Variants in RICTOR observed in about 807,000 individuals in gnomAD.
RICTOR encodes the protein RPTOR independent companion of MTOR complex 2, also known as rapamycin-insensitive companion of mTOR.
Under a neutral mutation model 214.9 loss-of-function variants are expected in RICTOR, and 49 were observed. That is an observed-to-expected ratio of 0.23 (90% CI 0.18 to 0.29). RICTOR has a LOEUF of 0.29. Among genes scored for constraint, RICTOR ranks in the 10% least tolerant of loss-of-function variants. The probability of loss-of-function intolerance (pLI) is 1.00; values close to 1 mark genes in which losing one functional copy is unlikely to be tolerated. For synonymous variants in RICTOR, 717 were observed against 711.3 expected, an observed-to-expected ratio of 1.01 and a Z score of -0.13; for missense variants, 1,625 against 2,047.0, an observed-to-expected ratio of 0.79 and a Z score of 3.98.
At chr5:38,971,728 G>T in intron 11 of RICTOR, 149 bp downstream of exon 11, 2 of 557,156 alleles carry the variant, frequency 3.6e-6, no homozygotes, top group Non-Finnish European at 6.3e-6. Flanking sequence ...GTTTAACTAA[G>T]TAGTAAATAT....
At chr5:38,994,811 AT>A (rs1199171859) in intron 6 of RICTOR, among the ~76,000 whole-genome samples, 2 of 152,274 alleles carry the variant, frequency 1.3e-5, no homozygotes, top group Non-Finnish European at 2.9e-5. Context: ...CCAAAATTGA[AT>A]TTAATTGTCT....
chr5:38,948,971 T>G (rs1245365143), intron 31 of RICTOR, among the ~76,000 whole-genome samples: 1 of 152,204 alleles, frequency 6.6e-6, no homozygotes, highest in East Asian at 1.9e-4. Flanking sequence ...TAAAGTATTC[T>G]AACATATATT....
chr5:39,005,108 T>C (rs1197598825), intron 3 of RICTOR, among the ~76,000 whole-genome samples: 5 of 152,182 alleles, frequency 3.3e-5, no homozygotes, highest in African/African-American at 1.2e-4. Context: ...TAAAGACATC[T>C]TTCCTTATCT....
intron 7 of RICTOR, among the ~76,000 whole-genome samples, chr5:38,985,194 G>A (rs753986841): frequency 5.3e-5 from 8 of 152,056 alleles, no homozygotes; most frequent in African/African-American, 7.2e-5. Flanking sequence ...TAGGACCCCC[G>A]ATGATACCAA....
intron 2 of RICTOR, among the ~76,000 whole-genome samples, chr5:39,064,251 T>C (rs1758749497): frequency 1.3e-5 from 2 of 152,212 alleles, no homozygotes; most frequent in Non-Finnish European, 2.9e-5. Flanking sequence ...AAAACACAAA[T>C]AACAGTATCT....
Position 38,950,264 on chromosome 5 carries a change from C to T in RICTOR, c.3584G>A (p.Arg1195Lys), listed in dbSNP as rs763524529. The stretch of plus-strand genomic sequence containing the variant: ...TAACCTCTCTCGGCTTGTATTTTCT[C>T]TGTGATTCTCTGTACCAAAATTCTT... Reference protein sequence around the residue: ...FTKNFGTENHRENTSRERLVV... With the variant: ...FTKNFGTENHKENTSRERLVV... Residue 1195 changes from arginine to lysine, a missense_variant, in exon 31 of 38, where the codon AGA (arginine) becomes AAA (lysine). Around this residue, in one of 5 missense-constraint regions of RICTOR, gnomAD observed 1,214 missense variants for 1,470.5 expected, o/e 0.83. Coordinates refer to ENST00000357387, the MANE Select transcript of RICTOR (RefSeq NM_152756.5). The T allele has an allele frequency of 1.1e-5, 17 of 1,613,450 alleles. No homozygotes were observed. The highest frequency in any genetic ancestry group is 1.4e-5 in the Non-Finnish European group (17 of 1,179,668).
intron 2 of RICTOR, among the ~76,000 whole-genome samples, chr5:39,066,040 C>T (rs1486986725): frequency 6.6e-6 from 1 of 152,246 alleles, no homozygotes; most frequent in Non-Finnish European, 1.5e-5. Flanking sequence ...GCTCCAACCC[C>T]ACATTTCCCC....
Position 38,997,086 on chromosome 5 carries a change from T to C in RICTOR, c.393-204A>G, listed in dbSNP as rs181234393. Among the ~76,000 whole-genome samples the C allele has an allele frequency of 1.0e-3, 155 of 152,272 alleles. 1 individual carries two copies. In the Middle Eastern group the frequency reaches 0.01, roughly 10 times the overall value. ...AATATCTGTCATTTAAAAGACCAAT[T>C]TTTTCTTTTAAAACGTTAGGAAAGA... On this transcript the variant is annotated intron_variant, in intron 5 of 37. Coordinates refer to ENST00000357387, the MANE Select transcript of RICTOR (RefSeq NM_152756.5).
At chr5:38,973,502 C>T in intron 10 of RICTOR, among the ~76,000 whole-genome samples, 1 of 152,034 alleles carries the variant, frequency 6.6e-6, no homozygotes, top group Non-Finnish European at 1.5e-5. Flanking sequence ...ATAGTTTTTT[C>T]AATTTTTCTG....
At chr5:39,005,695 A>C (rs1333729372) in intron 3 of RICTOR, among the ~76,000 whole-genome samples, 1 of 152,032 alleles carries the variant, frequency 6.6e-6, no homozygotes, top group Non-Finnish European at 1.5e-5. Flanking sequence ...GTAGCTCCTT[A>C]GTCTTTGATT....
intron 2 of RICTOR, among the ~76,000 whole-genome samples, chr5:39,071,075 C>A (rs1017807225): frequency 6.6e-5 from 10 of 152,140 alleles, no homozygotes; most frequent in African/African-American, 9.7e-5. Flanking sequence ...AACACAAGTA[C>A]CAAAACCAAC....
intron 11 of RICTOR, 57 bp from the exon 12 acceptor site, chr5:38,968,087 T>C: frequency 1.1e-6 from 1 of 940,996 alleles, no homozygotes; most frequent in Non-Finnish European, 1.7e-6. Context: ...TTAAGATTTT[T>C]AAATGTCCTA....
Position 39,053,847 on chromosome 5 carries a change from T to A in RICTOR, c.97+20264A>T, listed in dbSNP as rs1256147566. On this transcript the variant is annotated intron_variant, in intron 2 of 37. Coordinates refer to ENST00000357387, the MANE Select transcript of RICTOR (RefSeq NM_152756.5). ...GGCGGAGCCTGCAGTGAGCCGAGAT[T>A]GCGCCACTGCACTCCAGCCTGGGCG... Among the ~76,000 whole-genome samples the A allele has an allele frequency of 5.9e-5, 8 of 135,404 alleles. No individual in the cohort carries two copies. The East Asian group carries it at 1.7e-3, about 29-fold the overall frequency. The allele number at this position is 135,404 out of a possible 152,430, so 88.8% of individuals were successfully genotyped here.
chr5:39,029,460 T>C (rs1455170205), intron 2 of RICTOR, among the ~76,000 whole-genome samples: 11 of 152,188 alleles, frequency 7.2e-5, no homozygotes, highest in Admixed American at 7.2e-4. Context: ...GGCTTCAATA[T>C]ATGCTGCTTT....
At chr5:39,050,857 G>A (rs1757787050) in intron 2 of RICTOR, among the ~76,000 whole-genome samples, 1 of 151,852 alleles carries the variant, frequency 6.6e-6, no homozygotes, top group Non-Finnish European at 1.5e-5. Context: ...AATACATGAG[G>A]GCTCATTATA....
intron 11 of RICTOR, 77 bp downstream of exon 11, chr5:38,971,800 G>A: frequency 2.9e-6 from 2 of 689,356 alleles, no homozygotes; most frequent in African/African-American, 1.8e-5. Context: ...CACATCACCT[G>A]AAATAATTTT....
At chr5:38,990,485 T>A (rs543713057) in intron 7 of RICTOR, among the ~76,000 whole-genome samples, 21 of 94,770 alleles carry the variant, frequency 2.2e-4, no homozygotes, top group East Asian at 1.4e-3. Context: ...AAGTATAATT[T>A]AAAAAAATAC....
rs35397307 is a variant in RICTOR at position 38,940,019 on chromosome 5, C to CTTT, written c.*2282_*2284dup. ...ATAGCACTATAAATTTAAGCGTAGA[C>CTTT]TTTTTTTTTTTTTTAGTATACTGAT... On this transcript the variant is annotated 3_prime_UTR_variant, in exon 38 of 38. Coordinates refer to ENST00000357387, the MANE Select transcript of RICTOR (RefSeq NM_152756.5). 34 of 201,936 alleles carry CTTT rather than the reference C, an allele frequency of 1.7e-4. No individual in the cohort carries two copies. The highest frequency in any genetic ancestry group is 2.2e-4 in the East Asian group (3 of 13,822). 12.5% of individuals were successfully genotyped at this position (201,936 alleles called of 1,614,324 possible). A position where few individuals can be genotyped will look rare whatever the true frequency, so the allele number is the denominator to read the frequency against.
At chr5:39,019,514 G>A (rs1175972409) in intron 3 of RICTOR, among the ~76,000 whole-genome samples, 1 of 152,126 alleles carries the variant, frequency 6.6e-6, no homozygotes, top group African/African-American at 2.4e-5. Context: ...TTTACAAATG[G>A]AACAAGGCCT....
Sources: allele counts gnomAD v4.1 joint callset (sites outside exome capture counted in the v4.1 genomes callset), GRCh38; gene constraint gnomAD v4.1.1; regional missense constraint gnomAD v4.1.1; transcripts MANE v1.5; gene names NCBI Gene and HGNC (gene_info 2026-07-23, HGNC 2026-07-21).